NAALADL2: variants seen among roughly 807,000 people sequenced by gnomAD.
NAALADL2 encodes the protein inactive N-acetylated-alpha-linked acidic dipeptidase-like protein 2.
Under a neutral mutation model 87.2 loss-of-function variants are expected in NAALADL2, and 76 were observed. The observed-to-expected ratio is 0.87, with a 90% confidence interval of 0.72 to 1.05. The LOEUF is 1.05. Among genes scored for constraint, NAALADL2 ranks in the 50% least tolerant of loss-of-function variants. The pLI, the probability that NAALADL2 is intolerant of heterozygous loss-of-function variation, is 0.00. For synonymous variants in NAALADL2, 354 were observed against 331.0 expected, an observed-to-expected ratio of 1.07 and a Z score of -0.75; for missense variants, 1,089 against 945.8, an observed-to-expected ratio of 1.15 and a Z score of -1.99.
intron 2 of NAALADL2, among the ~76,000 whole-genome samples, chr3:174,677,116 A>G (rs1335749924): frequency 6.6e-6 from 1 of 151,970 alleles, no homozygotes; most frequent in East Asian, 1.9e-4. Flanking sequence ...TATCATATCT[A>G]TCTGCCGCCT....
In NAALADL2 at chr3:174,916,500, T is replaced by G. The variant is rs142823586; in HGVS notation, c.43+57050T>G. On this transcript the variant is annotated intron_variant, in intron 1 of 13. Coordinates refer to ENST00000454872, the MANE Select transcript of NAALADL2 (RefSeq NM_207015.3). Reference sequence around the variant, plus strand: ...TTGACCAATGAGTGGATATGGAAAATGTAGCATATATACACCATGGAATAC... The same window carrying G: ...TTGACCAATGAGTGGATATGGAAAAGGTAGCATATATACACCATGGAATAC... Among the ~76,000 whole-genome samples the G allele has an allele frequency of 2.3e-3, 352 of 152,104 alleles. 2 individuals are homozygous for G. Among genetic ancestry groups the G allele is most frequent in the African/African-American group, 7.2e-3 (300 of 41,520 alleles).
rs183970639 is a variant in NAALADL2 at position 175,610,973 on chromosome 3, T to C, written c.1801-16318T>C. Among the ~76,000 whole-genome samples the C allele has an allele frequency of 3.3e-4, 50 of 152,116 alleles. 1 individual carries two copies. Among genetic ancestry groups the C allele is most frequent in the Admixed American group, 2.7e-3 (42 of 15,280 alleles). ...ACAATATACAATAGCACTCTGAAGG[T>C]GATATCAAGATCCCAATATTACAGG... On this transcript the variant is annotated intron_variant, in intron 10 of 13. Coordinates refer to ENST00000454872, the MANE Select transcript of NAALADL2 (RefSeq NM_207015.3).
chr3:174,840,551 CTA>C (rs1196843066), intron 3 of NAALADL2, among the ~76,000 whole-genome samples: 2 of 152,124 alleles, frequency 1.3e-5, no homozygotes, highest in African/African-American at 4.8e-5. Context: ...ATTTTTGCCT[CTA>C]TTTTTAGATG....
intron 5 of NAALADL2, among the ~76,000 whole-genome samples, chr3:175,351,742 C>T (rs1318466031): frequency 1.3e-5 from 2 of 151,200 alleles, no homozygotes; most frequent in African/African-American, 4.9e-5. Flanking sequence ...TCTAAACAAT[C>T]AAATTTGAGG....
intron 9 of NAALADL2, among the ~76,000 whole-genome samples, chr3:175,534,797 C>T (rs900915367): frequency 6.6e-6 from 1 of 151,450 alleles, no homozygotes; most frequent in African/African-American, 2.4e-5. Context: ...TTTATTGGTT[C>T]TATGATTGGT....
chr3:175,574,384 C>T (rs572112605), intron 9 of NAALADL2, among the ~76,000 whole-genome samples: 1 of 152,142 alleles, frequency 6.6e-6, no homozygotes, highest in Non-Finnish European at 1.5e-5. Flanking sequence ...ATGAAGGATT[C>T]AAACTTGTTT....
At chr3:174,979,679 A>T (rs1744864215) in intron 1 of NAALADL2, among the ~76,000 whole-genome samples, 1 of 151,338 alleles carries the variant, frequency 6.6e-6, no homozygotes, top group Non-Finnish European at 1.5e-5. Context: ...AATCAATTTT[A>T]GTCAATTTAA....
chr3:175,639,286 G>A (rs1429431805), intron 11 of NAALADL2, among the ~76,000 whole-genome samples: 3 of 147,936 alleles, frequency 2.0e-5, no homozygotes, highest in Non-Finnish European at 4.5e-5. Flanking sequence ...ACTAGCTTCT[G>A]CCCACAGCAG....
intron 1 of NAALADL2, among the ~76,000 whole-genome samples, chr3:175,068,362 A>C (rs897932746): frequency 1.4e-4 from 21 of 152,168 alleles, no homozygotes; most frequent in Non-Finnish European, 3.1e-4. Flanking sequence ...TTTAAAAGTT[A>C]TAGAAATAAA....
At position 174,736,869 on chromosome 3, in the gene NAALADL2, C is replaced by A. The variant is rs546537395; in HGVS notation, c.-114-772C>A. Among the ~76,000 whole-genome samples, 22 of 152,282 alleles carry A rather than the reference C, an allele frequency of 1.4e-4. 1 individual carries two copies. In the South Asian group the frequency reaches 4.4e-3, roughly 30 times the overall value. ...GTCCTATGCTGAGCTTCCCTCAGCC[C>A]CCTCTCAGCCTTCTTCCTGTGCTTG... On this transcript the variant is annotated intron_variant, in intron 2 of 3. Coordinates refer to the NAALADL2 transcript ENST00000434257.
intron 3 of NAALADL2, among the ~76,000 whole-genome samples, chr3:174,787,241 A>C (rs1361490165): frequency 2.0e-5 from 3 of 151,876 alleles, no homozygotes; most frequent in African/African-American, 7.2e-5. Flanking sequence ...AACTGACAAA[A>C]TATTTCACAA....
intron 1 of NAALADL2, among the ~76,000 whole-genome samples, chr3:175,006,094 C>A (rs993428400): frequency 1.3e-5 from 2 of 152,138 alleles, no homozygotes; most frequent in Admixed American, 6.6e-5. Context: ...ATCACCTGTT[C>A]CTTATGGTTC....
chr3:175,107,162 G>A (rs944179445), intron 2 of NAALADL2, among the ~76,000 whole-genome samples: 2 of 151,912 alleles, frequency 1.3e-5, no homozygotes, highest in African/African-American at 4.8e-5. Flanking sequence ...GCTAATACAT[G>A]GTATCAAATG....
chr3:175,260,228 C>T (rs6443298), intron 4 of NAALADL2, among the ~76,000 whole-genome samples: 15,209 of 151,844 alleles, frequency 0.1, 1,934 homozygotes, highest in African/African-American at 0.3. Context: ...TATCATTTTC[C>T]CTGATAATTT....
At chr3:174,554,416 C>A (rs1712503259) in intron 2 of NAALADL2, among the ~76,000 whole-genome samples, 1 of 150,946 alleles carries the variant, frequency 6.6e-6, no homozygotes, top group Non-Finnish European at 1.5e-5. Flanking sequence ...ACATCGACAC[C>A]CCTTTCTCTT....
At chr3:174,971,178 G>T (rs1264225899) in intron 1 of NAALADL2, among the ~76,000 whole-genome samples, 2 of 152,086 alleles carry the variant, frequency 1.3e-5, no homozygotes, top group Non-Finnish European at 2.9e-5. Flanking sequence ...CCTCCTCCTG[G>T]GTTCCTCCCA....
rs150840425 is a variant in NAALADL2, at chr3:175,567,298, G to T, written c.1654-8743G>T. 5.7e-3 allele frequency among the ~76,000 whole-genome samples: 868 copies of T among 152,244 alleles called. 8 individuals are homozygous for T. The highest frequency in any genetic ancestry group is 0.02 in the African/African-American group (821 of 41,544). On this transcript the variant is annotated intron_variant, in intron 9 of 13. Transcript: ENST00000454872. Reference sequence around the variant, plus strand: ...CAGAGAAGAGGAAGAGGAAATGAAGGTCGGTTGTTGAGGGAGTAGAGAAGA... The same window carrying T: ...CAGAGAAGAGGAAGAGGAAATGAAGTTCGGTTGTTGAGGGAGTAGAGAAGA...
At chr3:174,736,196 C>T (rs949142383) in intron 2 of NAALADL2, among the ~76,000 whole-genome samples, 2 of 152,132 alleles carry the variant, frequency 1.3e-5, no homozygotes, top group Admixed American at 6.5e-5. Flanking sequence ...AGGTCCACAG[C>T]TCTTCTCTTC....
At chr3:174,958,596 T>C (rs1741494208) in intron 1 of NAALADL2, among the ~76,000 whole-genome samples, 1 of 152,066 alleles carries the variant, frequency 6.6e-6, no homozygotes, top group African/African-American at 2.4e-5. Context: ...TAGTTTTTCT[T>C]TGTGAATCTT....
Sources: gnomAD v4.1 joint callset for allele counts (sites outside exome capture counted in the v4.1 genomes callset) on GRCh38, gnomAD v4.1.1 for gene constraint, MANE v1.5 for transcripts, NCBI Gene and HGNC (gene_info 2026-07-23, HGNC 2026-07-21) for gene names.